Variants in TBC1D16 observed in about 807,000 individuals in gnomAD.
TBC1D16 encodes the protein TBC1 domain family member 16, also known as CTD-2529O21.1.
In TBC1D16, 58 loss-of-function variants were observed where a neutral mutation model predicts 74.7. The ratio of observed to expected loss-of-function variants is 0.78; its 90% CI spans 0.63 to 0.97. The LOEUF is 0.97. Ranked by LOEUF, TBC1D16 falls within the 50% of genes least tolerant of loss-of-function variation. The pLI is 0.00. For missense variants in TBC1D16, 1,014 were observed against 1,079.5 expected, an observed-to-expected ratio of 0.94 and a Z score of 0.85; for synonymous variants, 493 against 474.7, an observed-to-expected ratio of 1.04 and a Z score of -0.50.
At chr17:79,989,134 A>G (rs973649633) in intron 3 of TBC1D16, among the ~76,000 whole-genome samples, 5 of 152,196 alleles carry the variant, frequency 3.3e-5, no homozygotes, top group African/African-American at 1.2e-4. Context: ...GGACACCCCA[A>G]ATGTGGAGGA....
At chr17:80,031,737 A>G (rs1038288579) in intron 1 of TBC1D16, among the ~76,000 whole-genome samples, 1 of 152,186 alleles carries the variant, frequency 6.6e-6, no homozygotes, top group African/African-American at 2.4e-5. Context: ...CTCAGAGGTG[A>G]GCCTGGATCT....
chr17:79,983,904 T>C lies in TBC1D16; in HGVS notation c.779+26256A>G, dbSNP rs2034701292. Among the ~76,000 whole-genome samples the C allele has an allele frequency of 6.6e-6, 1 of 152,224 alleles. No individual in the cohort carries two copies. The highest frequency in any genetic ancestry group is 2.1e-4 in the South Asian group (1 of 4,834). ...TATTTAGAGACAGGGTCATGCTCTG[T>C]CACCCATGCTGGAGTGCAGGGGTAT... On this transcript the variant is annotated intron_variant, in intron 3 of 11. Transcript: ENST00000310924. This position sits in a 1 kb window ranked among gnomAD's most constrained non-coding sequence, Gnocchi z 5.6.
At position 79,956,332 on chromosome 17, in the gene TBC1D16, C is replaced by T. The variant is rs1185681677; in HGVS notation, c.780-3514G>A. 6.6e-6 allele frequency among the ~76,000 whole-genome samples: 1 copy of T among 152,236 alleles called. No homozygotes were observed. Among genetic ancestry groups the T allele is most frequent in the Non-Finnish European group, 1.5e-5 (1 of 68,038 alleles). On this transcript the variant is annotated intron_variant, in intron 3 of 11. Coordinates refer to ENST00000310924, the MANE Select transcript of TBC1D16 (RefSeq NM_019020.4). The surrounding 1 kb of genome is among the most constrained non-coding windows in gnomAD (Gnocchi z 4.0). The stretch of plus-strand genomic sequence containing the variant: ...GCGGTGGTGCAAACACAACTCACCG[C>T]AGCCTCAGCCTCCGGGGCTCAAGCG...
chr17:80,008,845 C>T lies in TBC1D16; in HGVS notation c.779+1315G>A, dbSNP rs2035772690. ...GATAAAATCAGGGAAGAACCCGTCC[C>T]ACAGTCACCCCTGCTGAGGCCAGCA... On this transcript the variant is annotated intron_variant, in intron 3 of 11. Coordinates refer to ENST00000310924, the MANE Select transcript of TBC1D16 (RefSeq NM_019020.4). This position sits in a 1 kb window ranked among gnomAD's most constrained non-coding sequence, Gnocchi z 4.5. 6.6e-6 allele frequency among the ~76,000 whole-genome samples: 1 copy of T among 152,226 alleles called. No individual in the cohort carries two copies. Among genetic ancestry groups the T allele is most frequent in the African/African-American group, 2.4e-5 (1 of 41,454 alleles).
intron 1 of TBC1D16, among the ~76,000 whole-genome samples, chr17:80,022,819 TAG>T (rs1223760871): frequency 6.9e-6 from 1 of 145,918 alleles, no homozygotes; most frequent in East Asian, 2.0e-4. Flanking sequence ...GTATTTTTAG[TAG>T]AGACGGTTTT....
intron 2 of TBC1D16, among the ~76,000 whole-genome samples, chr17:80,012,099 C>G (rs150986591): frequency 0.013 from 2,004 of 152,234 alleles, 49 homozygotes; most frequent in African/African-American, 0.046. Context: ...GGGCCTCCCC[C>G]ACCCACTCTC....
chr17:79,943,914 AG>A, intron 10 of TBC1D16: 3 of 1,416,704 alleles, frequency 2.1e-6, no homozygotes, highest in Non-Finnish European at 2.8e-6. Context: ...GTGGGAATGA[AG>A]CCTCTCAGAC....
At chr17:80,019,028 G>A (rs1191870542) in intron 1 of TBC1D16, among the ~76,000 whole-genome samples, 2 of 150,244 alleles carry the variant, frequency 1.3e-5, no homozygotes, top group Admixed American at 6.6e-5. Flanking sequence ...AGGCCGCAGC[G>A]GGGCTGGAGC....
intron 1 of TBC1D16, among the ~76,000 whole-genome samples, chr17:80,030,718 A>G (rs1199955709): frequency 6.6e-6 from 1 of 152,112 alleles, no homozygotes; most frequent in Non-Finnish European, 1.5e-5. Flanking sequence ...GGCAGTTCCC[A>G]CTCACCAGAG....
chr17:80,025,101 T>TACCATGACACACACAC (rs2036519691), intron 1 of TBC1D16, among the ~76,000 whole-genome samples: 1 of 80,426 alleles, frequency 1.2e-5, no homozygotes, highest in Non-Finnish European at 2.4e-5. Flanking sequence ...ACACACACCA[T>TACCATGACACACACAC]ATACACACAA....
Position 79,936,882 on chromosome 17 carries a change from G to GTT in TBC1D16, c.*3976_*3977insAA, listed in dbSNP as rs1276081321. The GTT allele has an allele frequency of 6.7e-6, 1 of 150,068 alleles. No individual in the cohort carries two copies. The highest frequency in any genetic ancestry group is 2.5e-5 in the African/African-American group (1 of 40,406). 9.3% of individuals were successfully genotyped at this position (150,068 alleles called of 1,614,324 possible). On this transcript the variant is annotated 3_prime_UTR_variant, in exon 12 of 12. Coordinates refer to ENST00000310924, the MANE Select transcript of TBC1D16 (RefSeq NM_019020.4). ...CACCCCTGCACATATGTGTGTGTGT[G>GTT]TGTGCATGCGTGCGTGTGTGCATGT...
At position 79,942,677 on chromosome 17, in the gene TBC1D16, C is replaced by A. The variant is rs960193601; in HGVS notation, c.1909-471G>T. 2.6e-5 allele frequency among the ~76,000 whole-genome samples: 4 copies of A among 152,202 alleles called. No individual in the cohort carries two copies. The East Asian group carries it at 7.7e-4, about 29-fold the overall frequency. On this transcript the variant is annotated intron_variant, in intron 10 of 11. Coordinates refer to ENST00000310924, the MANE Select transcript of TBC1D16 (RefSeq NM_019020.4). ...GGTCATGGAATGCGCCTCTGGCAGC[C>A]ACCCACGGGTCAGCCTGTCCTCCTG... is the stretch of plus-strand genomic sequence containing the variant.
In TBC1D16 at chr17:79,961,940, C is replaced by A. The variant is rs1407471055; in HGVS notation, c.780-9122G>T. On this transcript the variant is annotated intron_variant, in intron 3 of 11. Transcript: ENST00000310924. The surrounding 1 kb of genome is among the most constrained non-coding windows in gnomAD (Gnocchi z 4.8). ...ACCCAGGGTTTATCAACAGCCAATG[C>A]AGTAATGAATCGTGGTCTGTACATA... Among the ~76,000 whole-genome samples the A allele has an allele frequency of 6.6e-6, 1 of 152,078 alleles. No homozygotes were observed. Among genetic ancestry groups the A allele is most frequent in the Admixed American group, 6.6e-5 (1 of 15,266 alleles).
Position 79,980,027 on chromosome 17 carries a change from C to A in TBC1D16, c.780-27209G>T, listed in dbSNP as rs1453200811. Among the ~76,000 whole-genome samples, 1 of 152,104 alleles carries A rather than the reference C, an allele frequency of 6.6e-6. No homozygotes were observed. The highest frequency in any genetic ancestry group is 1.9e-4 in the East Asian group (1 of 5,154). On this transcript the variant is annotated intron_variant, in intron 3 of 11. Coordinates refer to ENST00000310924, the MANE Select transcript of TBC1D16 (RefSeq NM_019020.4). This position sits in a 1 kb window ranked among gnomAD's most constrained non-coding sequence, Gnocchi z 7.0. The stretch of plus-strand genomic sequence containing the variant: ...CCGGTGCCTCCCCAGACCCTCTGGG[C>A]AGCCCATCCTTGCACCTGGAGGAGC...
At chr17:80,013,673 C>T (rs1300242398) in intron 1 of TBC1D16, 64 bp from the exon 2 acceptor site, 6 of 1,030,476 alleles carry the variant, frequency 5.8e-6, no homozygotes, top group Non-Finnish European at 8.2e-6. Context: ...CACAGCAGTA[C>T]GTGTCGCCTC....
chr17:79,977,586 G>A (rs999276463), intron 3 of TBC1D16, among the ~76,000 whole-genome samples: 5 of 152,256 alleles, frequency 3.3e-5, no homozygotes, highest in African/African-American at 9.6e-5. Context: ...CCCCACCTGT[G>A]AGACGGCGAT....
chr17:79,949,967 G>A lies in TBC1D16; in HGVS notation c.1258-102C>T, dbSNP rs2032910854. On this transcript the variant is annotated intron_variant, in intron 6 of 11. Coordinates refer to ENST00000310924, the MANE Select transcript of TBC1D16 (RefSeq NM_019020.4). ...GTTTTGGTGGTTTTTGGTGCGCCTT[G>A]ATTCAGATCTCTGCAATTTGCACAT... The A allele has an allele frequency of 3.6e-6, 5 of 1,375,182 alleles. No homozygotes were observed. In the Admixed American group the frequency reaches 1.2e-4, roughly 33 times the overall value. 85.2% of individuals were successfully genotyped at this position (1,375,182 alleles called of 1,614,324 possible).
Position 79,948,864 on chromosome 17 carries a change from G to A in TBC1D16, c.1541+8C>T. 1 of 1,614,040 alleles carries A rather than the reference G, an allele frequency of 6.2e-7. No homozygotes were observed. The highest frequency in any genetic ancestry group is 8.5e-7 in the Non-Finnish European group (1 of 1,179,948). ...AGATGGGAAAGGAGCTGGCTGGGGA[G>A]GGAGTACCTCATGCTCTCCACATTG... is the stretch of plus-strand genomic sequence containing the variant. On this transcript the variant is annotated splice_region_variant and intron_variant, in intron 8 of 11. Transcript: ENST00000310924.
rs1240690654 is a variant in TBC1D16 at position 80,008,083 on chromosome 17, C to T, written c.779+2077G>A. ...CACCCCCTGGGCACAGACTCGGCCC[C>T]GGGTGAGAATCACTGCTCTAGAAGA... is the stretch of plus-strand genomic sequence containing the variant. On this transcript the variant is annotated intron_variant, in intron 3 of 11. Coordinates refer to ENST00000310924, the MANE Select transcript of TBC1D16 (RefSeq NM_019020.4). This position sits in a 1 kb window ranked among gnomAD's most constrained non-coding sequence, Gnocchi z 4.5. Among the ~76,000 whole-genome samples the T allele has an allele frequency of 2.6e-5, 4 of 152,040 alleles. No homozygotes were observed. The highest frequency in any genetic ancestry group is 1.9e-4 in the East Asian group (1 of 5,178).
Sources: allele counts gnomAD v4.1 joint callset (sites outside exome capture counted in the v4.1 genomes callset), GRCh38; gene constraint gnomAD v4.1.1; non-coding constraint Gnocchi (gnomAD v3.1); transcripts MANE v1.5; gene names NCBI Gene and HGNC (gene_info 2026-07-23, HGNC 2026-07-21).